Variants in STARD13 observed in about 807,000 individuals in gnomAD.
STARD13 encodes stAR-related lipid transfer protein 13.
A neutral mutation model predicts 106.4 loss-of-function variants in STARD13; 62 were observed. The ratio of observed to expected loss-of-function variants is 0.58; its 90% CI spans 0.48 to 0.72. STARD13 has a LOEUF of 0.72. STARD13 is among the 30% of genes least tolerant of loss of function. The probability of loss-of-function intolerance (pLI) is 0.00; values close to 1 mark genes in which losing one functional copy is unlikely to be tolerated. For synonymous variants in STARD13, 565 were observed against 553.0 expected, an observed-to-expected ratio of 1.02 and a Z score of -0.31; for missense variants, 1,387 against 1,424.0, an observed-to-expected ratio of 0.97 and a Z score of 0.42.
chr13:33,278,137 C>A (rs1033206932), intron 1 of STARD13, among the ~76,000 whole-genome samples: 1 of 152,156 alleles, frequency 6.6e-6, no homozygotes, highest in African/African-American at 2.4e-5. Context: ...TTCCCAGTAT[C>A]CTGTGAAAAG....
At chr13:33,479,409 A>C in the STARD13 span, among the ~76,000 whole-genome samples, 2 of 152,224 alleles carry the variant, frequency 1.3e-5, no homozygotes, top group South Asian at 2.1e-4. Context: ...AAAAATGCAA[A>C]AAGACAGATG....
chr13:33,499,604 T>TTCCTTCTTCTTCTTCTTCTTC, the STARD13 span, among the ~76,000 whole-genome samples: 7 of 39,898 alleles, frequency 1.8e-4, 1 homozygote, highest in African/African-American at 6.4e-4. Flanking sequence ...CTTCTTCTTC[T>TTCCTTCTTCTTCTTCTTCTTC]TTCTTCTTCT....
At chr13:33,279,534 G>T (rs555716811) in intron 1 of STARD13, 3 of 152,326 alleles carry the variant, frequency 2.0e-5, no homozygotes, top group African/African-American at 7.2e-5. Context: ...TGCCAACAGA[G>T]TAACTCCTGG....
intron 7 of STARD13, among the ~76,000 whole-genome samples, chr13:33,120,301 C>T (rs558976725): frequency 6.6e-6 from 1 of 152,362 alleles, no homozygotes; most frequent in South Asian, 2.1e-4. Flanking sequence ...TCTGGGCACA[C>T]AGTCATGTGC....
At chr13:33,608,450 G>A in the STARD13 span, among the ~76,000 whole-genome samples, 1 of 152,130 alleles carries the variant, frequency 6.6e-6, no homozygotes, top group Admixed American at 6.5e-5. Context: ...AAAATAGGAA[G>A]AGGGAAAAAT....
chr13:33,138,701 C>G (rs549391408), intron 4 of STARD13: 3 of 324,422 alleles, frequency 9.2e-6, no homozygotes, highest in Non-Finnish European at 1.8e-5. Context: ...AGAGCCCGAG[C>G]TGCAGGCGGC....
At chr13:33,118,976 T>C (rs1875831540) in intron 7 of STARD13, among the ~76,000 whole-genome samples, 1 of 152,180 alleles carries the variant, frequency 6.6e-6, no homozygotes, top group East Asian at 1.9e-4. Flanking sequence ...CCTCAAGATA[T>C]TGTCATATCA....
chr13:33,124,445 C>A (rs1320181779), intron 7 of STARD13, among the ~76,000 whole-genome samples: 1 of 151,948 alleles, frequency 6.6e-6, no homozygotes, highest in African/African-American at 2.4e-5. Context: ...GAGTCTTCTT[C>A]CTCCAAGCCT....
chr13:33,303,368 A>T (rs1892790987), intron 1 of STARD13, among the ~76,000 whole-genome samples: 1 of 152,202 alleles, frequency 6.6e-6, no homozygotes, highest in Non-Finnish European at 1.5e-5. Context: ...CAAAGCTTGG[A>T]CACCAGTGAG....
chr13:33,625,709 C>A, the STARD13 span, among the ~76,000 whole-genome samples: 2 of 151,756 alleles, frequency 1.3e-5, no homozygotes, highest in African/African-American at 4.9e-5. Flanking sequence ...CTAATGGTAC[C>A]CTTTTTTTTT....
chr13:33,476,452 A>C, the STARD13 span, among the ~76,000 whole-genome samples: 1 of 152,212 alleles, frequency 6.6e-6, no homozygotes, highest in Non-Finnish European at 1.5e-5. Context: ...ATTATTGTGC[A>C]CTTGTTCTTA....
At chr13:33,645,073 C>T in the STARD13 span, among the ~76,000 whole-genome samples, 6 of 152,074 alleles carry the variant, frequency 3.9e-5, no homozygotes, top group South Asian at 2.1e-4. Context: ...GTGACCTCGC[C>T]GTTCCTCCCA....
the STARD13 span, among the ~76,000 whole-genome samples, chr13:33,392,121 C>T: frequency 6.6e-6 from 1 of 152,078 alleles, no homozygotes; most frequent in Non-Finnish European, 1.5e-5. Flanking sequence ...ATCTAGCTCA[C>T]AATTATTAAT....
chr13:33,291,947 T>C (rs1334924580), intron 1 of STARD13, among the ~76,000 whole-genome samples: 1 of 152,226 alleles, frequency 6.6e-6, no homozygotes. Flanking sequence ...TTTAATCTTA[T>C]TGCAGTAGTT....
At chr13:33,481,649 G>A in the STARD13 span, among the ~76,000 whole-genome samples, 1 of 152,076 alleles carries the variant, frequency 6.6e-6, no homozygotes, top group Non-Finnish European at 1.5e-5. Context: ...AGGAGGGGTA[G>A]GTGGAAAGAG....
At chr13:33,191,048 TA>T (rs1886222924) in intron 1 of STARD13, among the ~76,000 whole-genome samples, 3 of 152,268 alleles carry the variant, frequency 2.0e-5, no homozygotes, top group Admixed American at 1.3e-4. Flanking sequence ...TGGGATTTTG[TA>T]AACAATTTAC....
At chr13:33,274,748 C>G (rs1487504862) in intron 1 of STARD13, among the ~76,000 whole-genome samples, 1 of 152,100 alleles carries the variant, frequency 6.6e-6, no homozygotes, top group Non-Finnish European at 1.5e-5. Context: ...ACTGGAGGAT[C>G]AAAAATAGAT....
At chr13:33,621,478 C>T in the STARD13 span, among the ~76,000 whole-genome samples, 1 of 151,850 alleles carries the variant, frequency 6.6e-6, no homozygotes, top group Non-Finnish European at 1.5e-5. Flanking sequence ...GAGGTCAAGA[C>T]CATCCTGGCT....
At chr13:33,673,242 G>A in the STARD13 span, among the ~76,000 whole-genome samples, 1 of 152,124 alleles carries the variant, frequency 6.6e-6, no homozygotes, top group Admixed American at 6.5e-5. Context: ...CATCCTTAGA[G>A]GTTTCCCAAT....
Sources: allele counts gnomAD v4.1 joint callset (sites outside exome capture counted in the v4.1 genomes callset), GRCh38; gene constraint gnomAD v4.1.1; transcripts MANE v1.5; gene names NCBI Gene and HGNC (gene_info 2026-07-23, HGNC 2026-07-21).